The following CCDC201 variants were observed in gnomAD, a reference collection of about 807,000 sequenced individuals.
The protein encoded by CCDC201 is coiled-coil domain-containing protein 201.
intron 1 of CCDC201, among the ~76,000 whole-genome samples, chr7:45,867,158 C>A (rs548526728): frequency 2.0e-5 from 3 of 152,198 alleles, no homozygotes; most frequent in Non-Finnish European, 4.4e-5. Context: ...CTCTGCAGTG[C>A]CCCTTGAAGT....
intron 1 of CCDC201, among the ~76,000 whole-genome samples, chr7:45,868,311 A>C (rs1786701918): frequency 6.6e-6 from 1 of 152,146 alleles, no homozygotes; most frequent in Non-Finnish European, 1.5e-5. Context: ...TTCTCCAAGG[A>C]GAGTAGGCCA....
chr7:45,866,723 T>C (rs1317660884), intron 1 of CCDC201, among the ~76,000 whole-genome samples: 5 of 152,154 alleles, frequency 3.3e-5, no homozygotes, highest in Non-Finnish European at 5.9e-5. Context: ...TGCCTTTTCA[T>C]GGATGTAATT....
At chr7:45,871,189 G>A (rs1048637896) in intron 1 of CCDC201, among the ~76,000 whole-genome samples, 2 of 152,104 alleles carry the variant, frequency 1.3e-5, no homozygotes, top group Non-Finnish European at 2.9e-5. Flanking sequence ...GATGTCATGT[G>A]GCAGAAGGTA....
chr7:45,875,439 C>CAAA, upstream of CCDC201, among the ~76,000 whole-genome samples: 1 of 104,926 alleles, frequency 9.5e-6, no homozygotes, highest in Non-Finnish European at 2.0e-5. Context: ...AGGCTTCAGT[C>CAAA]AAAAAAAAAA....
the CCDC201 span, among the ~76,000 whole-genome samples, chr7:45,879,286 C>T: frequency 2.0e-5 from 3 of 152,168 alleles, no homozygotes; most frequent in African/African-American, 7.2e-5. Context: ...CAAACTGTTC[C>T]AATCTCTGCC....
At chr7:45,883,246 TC>T in the CCDC201 span, among the ~76,000 whole-genome samples, 1 of 151,670 alleles carries the variant, frequency 6.6e-6, no homozygotes, top group Non-Finnish European at 1.5e-5. Context: ...TATGTGCTTG[TC>T]CCCTGTTCAC....
the CCDC201 span, among the ~76,000 whole-genome samples, chr7:45,881,961 T>C: frequency 6.6e-6 from 1 of 152,306 alleles, no homozygotes; most frequent in Admixed American, 6.5e-5. Flanking sequence ...GCAGTGTCCT[T>C]CATCAGCTTG....
exon 3 of CCDC201, chr7:45,861,521 C>G (rs574423732): frequency 6.6e-6 from 1 of 152,194 alleles, no homozygotes; most frequent in Non-Finnish European, 1.5e-5. Context: ...TATCTAATCC[C>G]TCCTGTGAAG....
At chr7:45,882,980 T>C in the CCDC201 span, among the ~76,000 whole-genome samples, 1 of 151,428 alleles carries the variant, frequency 6.6e-6, no homozygotes, top group Non-Finnish European at 1.5e-5. Flanking sequence ...GCAGGAAGGG[T>C]AAAGGCTTTG....
At chr7:45,883,919 G>T in the CCDC201 span, among the ~76,000 whole-genome samples, 1 of 152,074 alleles carries the variant, frequency 6.6e-6, no homozygotes, top group Non-Finnish European at 1.5e-5. Flanking sequence ...GGGGTCCCCA[G>T]GCGCCGGCTC....
chr7:45,867,852 C>A (rs1445978274), intron 1 of CCDC201, among the ~76,000 whole-genome samples: 1 of 152,156 alleles, frequency 6.6e-6, no homozygotes, highest in African/African-American at 2.4e-5. Flanking sequence ...TTGGGGGAGG[C>A]ACAGCTAGAA....
chr7:45,883,469 C>T, the CCDC201 span, among the ~76,000 whole-genome samples: 1 of 152,024 alleles, frequency 6.6e-6, no homozygotes, highest in Admixed American at 6.6e-5. Context: ...GAGGAAGGAA[C>T]AGTGCCATGA....
chr7:45,878,106 C>A, the CCDC201 span, among the ~76,000 whole-genome samples: 1 of 152,266 alleles, frequency 6.6e-6, no homozygotes, highest in African/African-American at 2.4e-5. Context: ...TTTGACTTCA[C>A]ATCCAGGCCA....
At chr7:45,867,832 G>A (rs1287007385) in intron 1 of CCDC201, among the ~76,000 whole-genome samples, 1 of 152,230 alleles carries the variant, frequency 6.6e-6, no homozygotes, top group East Asian at 1.9e-4. Context: ...GGATTATCTG[G>A]TAGTTAATTT....
chr7:45,866,223 T>G (rs1264801365), exon 2 of CCDC201: 1 of 163,830 alleles, frequency 6.1e-6, no homozygotes, highest in Non-Finnish European at 1.3e-5. Flanking sequence ...AGCTGAGAGA[T>G]CCAAGCTGGA....
At chr7:45,864,040 C>T (rs568840188) in intron 2 of CCDC201, among the ~76,000 whole-genome samples, 1 of 152,226 alleles carries the variant, frequency 6.6e-6, no homozygotes, top group Non-Finnish European at 1.5e-5. Context: ...CCAGCGAATT[C>T]CCAGTGCCCC....
exon 3 of CCDC201, chr7:45,861,286 G>A (rs200964625): frequency 6.6e-6 from 1 of 151,972 alleles, no homozygotes; most frequent in Admixed American, 6.6e-5. Flanking sequence ...CTGCTTCTTT[G>A]TACTCTAATT....
At chr7:45,860,653 G>A (rs1583650456) in exon 3 of CCDC201, 1 of 152,176 alleles carries the variant, frequency 6.6e-6, no homozygotes, top group Admixed American at 6.5e-5. Context: ...GTGTCCCTCA[G>A]TCTGAGAATG....
chr7:45,867,098 T>G (rs936585400), intron 1 of CCDC201, among the ~76,000 whole-genome samples: 7 of 152,218 alleles, frequency 4.6e-5, no homozygotes, highest in Admixed American at 3.9e-4. Flanking sequence ...TCTCAGATCC[T>G]GATGAACTAT....
Sources: allele counts gnomAD v4.1 joint callset (sites outside exome capture counted in the v4.1 genomes callset), GRCh38; gene constraint gnomAD v4.1.1; transcripts MANE v1.5; gene names NCBI Gene and HGNC (gene_info 2026-07-23, HGNC 2026-07-21).